Variants in PLXDC2 observed in about 807,000 individuals in gnomAD.
The protein encoded by PLXDC2 is plexin domain containing 2, also known as plexin domain-containing protein 2.
In PLXDC2, 40 loss-of-function variants were observed where a neutral mutation model predicts 68.9. The observed-to-expected ratio is 0.58, with a 90% confidence interval of 0.45 to 0.76. The LOEUF is 0.76. PLXDC2 is among the 30% of genes least tolerant of loss of function. PLXDC2 has a pLI of 0.00. For missense variants in PLXDC2, 644 were observed against 661.9 expected, an observed-to-expected ratio of 0.97 and a Z score of 0.30; for synonymous variants, 243 against 234.2, an observed-to-expected ratio of 1.04 and a Z score of -0.34.
chr10:20,123,310 A>G (rs923675788), intron 4 of PLXDC2, among the ~76,000 whole-genome samples: 1 of 152,156 alleles, frequency 6.6e-6, no homozygotes, highest in Non-Finnish European at 1.5e-5. Flanking sequence ...GGGGACAGAC[A>G]GGAGGGAAAG....
intron 4 of PLXDC2, among the ~76,000 whole-genome samples, chr10:20,077,443 C>A (rs1302591256): frequency 6.6e-6 from 1 of 152,054 alleles, no homozygotes. Flanking sequence ...GAGACATAGT[C>A]ATAAAAAAGT....
At chr10:19,923,922 T>A (rs1833500416) in intron 1 of PLXDC2, among the ~76,000 whole-genome samples, 1 of 151,980 alleles carries the variant, frequency 6.6e-6, no homozygotes, top group South Asian at 2.1e-4. Context: ...AAAATTAGCT[T>A]CATTTGGAGT....
At chr10:19,976,818 C>T (rs1436574278) in intron 1 of PLXDC2, among the ~76,000 whole-genome samples, 1 of 151,382 alleles carries the variant, frequency 6.6e-6, no homozygotes, top group Non-Finnish European at 1.5e-5. Flanking sequence ...TTTTCTGACT[C>T]TCTTTTATTT....
chr10:19,989,964 G>A (rs1834718853), intron 1 of PLXDC2, among the ~76,000 whole-genome samples: 1 of 151,980 alleles, frequency 6.6e-6, no homozygotes, highest in African/African-American at 2.4e-5. Context: ...TGGACAGGCT[G>A]TTCTCAAACT....
chr10:19,963,500 T>C (rs144417730), intron 1 of PLXDC2, among the ~76,000 whole-genome samples: 1,650 of 152,294 alleles, frequency 0.011, 9 homozygotes, highest in Non-Finnish European at 0.017. Flanking sequence ...TGGGATACTA[T>C]GCAGCCATAA....
rs576363702 is a variant in PLXDC2, at chr10:20,153,422, T to C, written c.783+5520T>C. Among the ~76,000 whole-genome samples the C allele has an allele frequency of 2.0e-5, 3 of 152,328 alleles. No homozygotes were observed. In the South Asian group the frequency reaches 6.2e-4, roughly 32 times the overall value. ...TTGGGTTTACGTCTGCATTTTCCTT[T>C]CTTTGGGATTTTGTCTTTTCAAGAC... is the stretch of plus-strand genomic sequence containing the variant. On this transcript the variant is annotated intron_variant, in intron 6 of 13. Coordinates refer to ENST00000377252, the MANE Select transcript of PLXDC2 (RefSeq NM_032812.9).
intron 7 of PLXDC2, 22 bp downstream of exon 7, chr10:20,164,589 G>T (rs115281213): frequency 1.9e-6 from 3 of 1,555,822 alleles, no homozygotes; most frequent in African/African-American, 1.4e-5. Context: ...AAGGGCAGTC[G>T]CAATGAGTGA....
At chr10:20,020,368 C>T (rs1041273535) in intron 2 of PLXDC2, among the ~76,000 whole-genome samples, 19 of 151,956 alleles carry the variant, frequency 1.3e-4, no homozygotes, top group Non-Finnish European at 1.9e-4. Context: ...ACTCCTAGTA[C>T]ATCTTCACTC....
At position 20,099,696 on chromosome 10, in the gene PLXDC2, C is replaced by G. The variant is rs530357832; in HGVS notation, c.541+31457C>G. ...AAATGTTTTCACAGAACTTTTCTCA[C>G]TTGAAAAGATCTGCTAGAAAGGTTC... On this transcript the variant is annotated intron_variant, in intron 4 of 13. Coordinates refer to ENST00000377252, the MANE Select transcript of PLXDC2 (RefSeq NM_032812.9). Among the ~76,000 whole-genome samples the G allele has an allele frequency of 3.6e-4, 55 of 152,252 alleles. 1 individual carries two copies. The South Asian group carries it at 0.01, about 28-fold the overall frequency.
intron 1 of PLXDC2, among the ~76,000 whole-genome samples, chr10:19,834,462 G>T (rs1303871895): frequency 1.3e-5 from 2 of 152,004 alleles, no homozygotes; most frequent in Non-Finnish European, 2.9e-5. Flanking sequence ...AAGAGGTTGG[G>T]GTCTCTGAGG....
intron 12 of PLXDC2, among the ~76,000 whole-genome samples, 184 bp downstream of exon 12, chr10:20,219,286 TTGTGTTTGTGTATAAAAC>T (rs1186829115): frequency 6.6e-6 from 1 of 152,200 alleles, no homozygotes; most frequent in African/African-American, 2.4e-5. Flanking sequence ...ATCCTCACCC[TTGTGTTTGTGTATAAAAC>T]TGTGACACCA....
chr10:20,171,210 C>T (rs1053144122), intron 7 of PLXDC2, among the ~76,000 whole-genome samples: 4 of 152,038 alleles, frequency 2.6e-5, no homozygotes, highest in Non-Finnish European at 5.9e-5. Flanking sequence ...CCAGTGCAAG[C>T]CCTTTCAGAG....
chr10:20,082,706 T>C (rs1019979634), intron 4 of PLXDC2, among the ~76,000 whole-genome samples: 2 of 152,192 alleles, frequency 1.3e-5, no homozygotes, highest in African/African-American at 4.8e-5. Flanking sequence ...AAAATGTATC[T>C]TGTAGGTGTA....
At chr10:20,011,536 T>TG (rs1835115318) in intron 2 of PLXDC2, among the ~76,000 whole-genome samples, 1 of 152,180 alleles carries the variant, frequency 6.6e-6, no homozygotes, top group Admixed American at 6.5e-5. Context: ...CATGTCCCTG[T>TG]GGGGGCCATA....
intron 4 of PLXDC2, among the ~76,000 whole-genome samples, chr10:20,134,789 T>C (rs1363727502): frequency 6.6e-6 from 1 of 152,084 alleles, no homozygotes; most frequent in African/African-American, 2.4e-5. Context: ...AGTGTTGGCC[T>C]GGTTTTGGGG....
chr10:20,145,180 A>T (rs1409941984), intron 5 of PLXDC2, among the ~76,000 whole-genome samples: 2 of 152,208 alleles, frequency 1.3e-5, no homozygotes, highest in Non-Finnish European at 2.9e-5. Flanking sequence ...ATACTCAAGA[A>T]TGCATGTATT....
chr10:20,084,775 A>T (rs1304848050), intron 4 of PLXDC2, among the ~76,000 whole-genome samples: 1 of 151,960 alleles, frequency 6.6e-6, no homozygotes, highest in African/African-American at 2.4e-5. Flanking sequence ...GGCTGGCCTG[A>T]TAGGACAGTC....
At chr10:20,244,476 C>A (rs574436965) in intron 12 of PLXDC2, among the ~76,000 whole-genome samples, 1 of 152,256 alleles carries the variant, frequency 6.6e-6, no homozygotes, top group African/African-American at 2.4e-5. Context: ...TGTGGCGCTC[C>A]TCTTAGTGAT....
Position 20,110,134 on chromosome 10 carries a change from C to G in PLXDC2, c.542-33161C>G, listed in dbSNP as rs56819482. On this transcript the variant is annotated intron_variant, in intron 4 of 13. Coordinates refer to ENST00000377252, the MANE Select transcript of PLXDC2 (RefSeq NM_032812.9). ...CTGCCTGGCAGGGATGGAGACTGCT[C>G]AGGAAGAAGACAAAGCTGGAGAGAA... Among the ~76,000 whole-genome samples the G allele has an allele frequency of 4.9e-3, 752 of 152,184 alleles. 7 individuals carry two copies. Among genetic ancestry groups the G allele is most frequent in the African/African-American group, 0.017 (716 of 41,510 alleles).
Sources: allele counts gnomAD v4.1 joint callset (sites outside exome capture counted in the v4.1 genomes callset), GRCh38; gene constraint gnomAD v4.1.1; transcripts MANE v1.5; gene names NCBI Gene and HGNC (gene_info 2026-07-23, HGNC 2026-07-21).